Variants in PCDHGB1 observed in about 807,000 individuals in gnomAD.
PCDHGB1 encodes protocadherin gamma-B1.
In PCDHGB1, 34 loss-of-function variants were observed where a neutral mutation model predicts 56.6. The ratio of observed to expected loss-of-function variants is 0.60; its 90% CI spans 0.46 to 0.80. The LOEUF (loss-of-function observed/expected upper bound fraction) is 0.80, where lower values mean the gene tolerates loss of function less well. Ranked by LOEUF, PCDHGB1 falls within the 30% of genes least tolerant of loss-of-function variation. The pLI, the probability that PCDHGB1 is intolerant of heterozygous loss-of-function variation, is 0.00. For missense variants in PCDHGB1, 1,278 were observed against 1,204.6 expected, an observed-to-expected ratio of 1.06 and a Z score of -0.90; for synonymous variants, 561 against 505.9, an observed-to-expected ratio of 1.11 and a Z score of -1.46.
intron 1 of PCDHGB1, chr5:141,410,181 T>C: frequency 6.2e-7 from 1 of 1,613,814 alleles, no homozygotes; most frequent in South Asian, 1.1e-5. Context: ...ACCGCCACGC[T>C]TCATCTGGTC....
rs199973289 is a variant in PCDHGB1, at chr5:141,393,414, G to A, written c.2409+40745G>A. On this transcript the variant is annotated intron_variant, in intron 1 of 3. Transcript: ENST00000523390. ...AGAGCTGGTGCTGGAGCGCGCCCTG[G>A]ACAGGGAGGAAGAGGCTGCTCACCA... 7 of 1,614,038 alleles carry A rather than the reference G, an allele frequency of 4.3e-6. No individual in the cohort carries two copies. In the East Asian group the frequency reaches 1.3e-4, roughly 31 times the overall value.
At chr5:141,464,343 A>T (rs944042669) in intron 1 of PCDHGB1, among the ~76,000 whole-genome samples, 1 of 151,308 alleles carries the variant, frequency 6.6e-6, no homozygotes, top group South Asian at 2.1e-4. Flanking sequence ...ATGACTTGTC[A>T]TTTAGGTAGT....
intron 1 of PCDHGB1, among the ~76,000 whole-genome samples, chr5:141,492,336 A>G (rs1353947767): frequency 1.3e-5 from 2 of 152,072 alleles, no homozygotes; most frequent in East Asian, 3.9e-4. Context: ...TTACGCGAAT[A>G]CCAGCTTTCA....
chr5:141,423,440 C>T lies in PCDHGB1; in HGVS notation c.2409+70771C>T, dbSNP rs768389351. 27 of 1,613,852 alleles carry T rather than the reference C, an allele frequency of 1.7e-5. No individual in the cohort carries two copies. In the East Asian group the frequency reaches 4.5e-4, roughly 27 times the overall value. ...GAAGGCGGGTTGGCAGGTATGCCCACGTCACATTTTGTAGGCGTGGACGGG... is the reference window on the plus strand; with the variant it reads ...GAAGGCGGGTTGGCAGGTATGCCCATGTCACATTTTGTAGGCGTGGACGGG... On this transcript the variant is annotated intron_variant, in intron 1 of 3. Coordinates refer to ENST00000523390, the MANE Select transcript of PCDHGB1 (RefSeq NM_018922.3).
rs774505854 is a variant in PCDHGB1 at position 141,490,507 on chromosome 5, G to A, written c.2410-4300G>A. The A allele has an allele frequency of 5.6e-6, 9 of 1,613,898 alleles. No individual in the cohort carries two copies. The highest frequency in any genetic ancestry group is 4.0e-5 in the African/African-American group (3 of 74,868). ...GGAGGCCACATCCCACTATATCATC[G>A]AGCTGCTGGCCAGCGATGCTGGTTC... On this transcript the variant is annotated intron_variant, in intron 1 of 3. Transcript: ENST00000523390. This position sits in a 1 kb window ranked among gnomAD's most constrained non-coding sequence, Gnocchi z 5.4.
intron 1 of PCDHGB1, among the ~76,000 whole-genome samples, chr5:141,462,990 A>T (rs181384059): frequency 1.8e-3 from 278 of 152,244 alleles, no homozygotes; most frequent in Non-Finnish European, 3.4e-3. Context: ...GCCTTGGGCT[A>T]ATTTAGACCT....
Position 141,350,707 on chromosome 5 carries a change from C to G in PCDHGB1, c.447C>G (p.Phe149Leu). The change falls in exon 1 of 4, where the codon TTC becomes TTG. Residue 149 changes from phenylalanine (F) to leucine (L), a missense_variant. Physicochemically the swap from Phe to Leu is conservative, Grantham distance 22 (BLOSUM62 0). Coordinates refer to ENST00000523390, the MANE Select transcript of PCDHGB1 (RefSeq NM_018922.3). Reference sequence around the variant, plus strand: ...AGTCAGCCTTACCCGGGGTAAAATTCTCTCTGGATTCTGCTCAAGATGCAG... The same window carrying G: ...AGTCAGCCTTACCCGGGGTAAAATTGTCTCTGGATTCTGCTCAAGATGCAG... The part of the protein sequence containing the change: ...ICESALPGVK[F>L]SLDSAQDADV... 1.2e-6 allele frequency: 2 copies of G among 1,613,992 alleles called. No homozygotes were observed. The highest frequency in any genetic ancestry group is 2.2e-5 in the East Asian group (1 of 44,892).
rs764067454 is a variant in PCDHGB1 at position 141,413,998 on chromosome 5, G to C, written c.2409+61329G>C. On this transcript the variant is annotated intron_variant, in intron 1 of 3. Coordinates refer to ENST00000523390, the MANE Select transcript of PCDHGB1 (RefSeq NM_018922.3). Reference sequence around the variant, plus strand: ...GACAGTCACAGCCACCGACAGGGACGAAGGTGCCAATGGAGAAGTGACATA... The same window carrying C: ...GACAGTCACAGCCACCGACAGGGACCAAGGTGCCAATGGAGAAGTGACATA... 29 of 1,613,320 alleles carry C rather than the reference G, an allele frequency of 1.8e-5. No individual in the cohort carries two copies. The Admixed American group carries it at 4.8e-4, about 27-fold the overall frequency.
At chr5:141,366,954 C>A in intron 1 of PCDHGB1, 1 of 692,400 alleles carries the variant, frequency 1.4e-6, no homozygotes. Flanking sequence ...TATCTGTAGA[C>A]TTAAGTGAAA....
At chr5:141,456,352 C>T (rs1253586137) in intron 1 of PCDHGB1, among the ~76,000 whole-genome samples, 1 of 152,050 alleles carries the variant, frequency 6.6e-6, no homozygotes, top group Non-Finnish European at 1.5e-5. Flanking sequence ...GGAAGAATGG[C>T]GTCCATGTGT....
chr5:141,395,448 T>C, intron 1 of PCDHGB1: 1 of 647,116 alleles, frequency 1.5e-6, no homozygotes, highest in Non-Finnish European at 2.5e-6. Flanking sequence ...GAAAAGATTG[T>C]TCAACCATTT....
chr5:141,467,129 T>G (rs2099137740), intron 1 of PCDHGB1, among the ~76,000 whole-genome samples: 1 of 151,826 alleles, frequency 6.6e-6, no homozygotes, highest in Non-Finnish European at 1.5e-5. Context: ...CTCAGCTCAC[T>G]GCAACCTCTG....
At position 141,432,851 on chromosome 5, in the gene PCDHGB1, G is replaced by T. The variant is rs561153330; in HGVS notation, c.2410-61956G>T. 8 of 1,614,198 alleles carry T rather than the reference G, an allele frequency of 5.0e-6. No homozygotes were observed. In the African/African-American group the frequency reaches 9.3e-5, roughly 19 times the overall value. ...CACTCTGTACCTGGTGGTAGCGGTG[G>T]CCGCGGTCTCCTGCGTCTTCCTGGC... On this transcript the variant is annotated intron_variant, in intron 1 of 3. Transcript: ENST00000523390. This position sits in a 1 kb window ranked among gnomAD's most constrained non-coding sequence, Gnocchi z 6.0.
At chr5:141,422,500 G>A (rs762511271) in intron 1 of PCDHGB1, 1 of 1,614,008 alleles carries the variant, frequency 6.2e-7, no homozygotes, top group Non-Finnish European at 8.5e-7. Flanking sequence ...AACGTTGACA[G>A]CCACAGACCA....
chr5:141,375,417 C>T, intron 1 of PCDHGB1: 3 of 1,613,976 alleles, frequency 1.9e-6, no homozygotes, highest in Non-Finnish European at 2.5e-6. Context: ...GTGGCAGACA[C>T]CAACGACAAC....
chr5:141,421,541 T>A (rs1235004908), intron 1 of PCDHGB1: 9 of 1,613,912 alleles, frequency 5.6e-6, no homozygotes, highest in African/African-American at 1.3e-5. Flanking sequence ...TCCTGTTTTT[T>A]AAATATGGAA....
At chr5:141,444,864 A>G (rs1304165078) in intron 1 of PCDHGB1, among the ~76,000 whole-genome samples, 1 of 152,210 alleles carries the variant, frequency 6.6e-6, no homozygotes, top group African/African-American at 2.4e-5. Context: ...GTCTTACTAC[A>G]GGACAAAGCT....
chr5:141,373,942 G>C, intron 1 of PCDHGB1: 1 of 734,326 alleles, frequency 1.4e-6, no homozygotes, highest in African/African-American at 1.8e-5. Context: ...CAGGAAAGCT[G>C]TGCAGAAATT....
At chr5:141,362,372 G>T (rs1762464111) in intron 1 of PCDHGB1, 1 of 1,614,054 alleles carries the variant, frequency 6.2e-7, no homozygotes, top group Non-Finnish European at 8.5e-7. Flanking sequence ...TACAGTGAGG[G>T]TACATTGCCC....
Sources: gnomAD v4.1 joint callset for allele counts (sites outside exome capture counted in the v4.1 genomes callset) on GRCh38, gnomAD v4.1.1 for gene constraint, Gnocchi (gnomAD v3.1) non-coding constraint, MANE v1.5 for transcripts, NCBI Gene and HGNC (gene_info 2026-07-23, HGNC 2026-07-21) for gene names.